Variants in SDK2 observed in about 807,000 individuals in gnomAD.
SDK2 encodes the protein sidekick cell adhesion molecule 2, also known as protein sidekick-2.
A neutral mutation model predicts 253.9 loss-of-function variants in SDK2; 105 were observed. The ratio of observed to expected loss-of-function variants is 0.41; its 90% CI spans 0.35 to 0.49. SDK2 has a LOEUF of 0.49. Ranked by LOEUF, SDK2 falls within the 20% of genes least tolerant of loss-of-function variation. The probability of loss-of-function intolerance (pLI) is 0.06; values close to 1 mark genes in which losing one functional copy is unlikely to be tolerated. For missense variants in SDK2, 2,608 were observed against 3,003.0 expected (o/e 0.87, Z 3.07); for synonymous variants, 1,249 against 1,234.9 (o/e 1.01, Z -0.24).
chr17:73,462,482 A>G (rs935616939), intron 3 of SDK2, among the ~76,000 whole-genome samples: 5 of 151,946 alleles, frequency 3.3e-5, no homozygotes, highest in Admixed American at 6.5e-5. Context: ...ATGTATGCAT[A>G]TTTACATGTA....
At position 73,379,086 on chromosome 17, in the gene SDK2, A is replaced by G. The variant is rs924682826; in HGVS notation, c.4980+91T>C. The stretch of plus-strand genomic sequence containing the variant: ...GGCTGGATGAATGGAGGGCCTGGGG[A>G]CCTGCCTGCCTCCCACATATCACTC... On this transcript the variant is annotated intron_variant, in intron 36 of 44. Coordinates refer to ENST00000392650, the MANE Select transcript of SDK2 (RefSeq NM_001144952.2). This position sits in a 1 kb window ranked among gnomAD's most constrained non-coding sequence, Gnocchi z 4.5. 2.4e-5 allele frequency: 22 copies of G among 911,216 alleles called. No individual in the cohort carries two copies. Among genetic ancestry groups the G allele is most frequent in the Non-Finnish European group, 3.4e-5 (20 of 582,054 alleles). The allele number at this position is 911,216 out of a possible 1,614,324, so 56.4% of individuals were successfully genotyped here.
chr17:73,574,898 C>T (rs1406145864), intron 1 of SDK2, among the ~76,000 whole-genome samples: 2 of 152,214 alleles, frequency 1.3e-5, no homozygotes. Context: ...GGTTTGGAGG[C>T]TATACCAACA....
At position 73,497,472 on chromosome 17, in the gene SDK2, T is replaced by C. The variant is rs577072023; in HGVS notation, c.224+9966A>G. 7.2e-5 allele frequency among the ~76,000 whole-genome samples: 11 copies of C among 152,276 alleles called. No homozygotes were observed. The South Asian group carries it at 1.9e-3, about 26-fold the overall frequency. On this transcript the variant is annotated intron_variant, in intron 2 of 44. Coordinates refer to ENST00000392650, the MANE Select transcript of SDK2 (RefSeq NM_001144952.2). The stretch of plus-strand genomic sequence containing the variant: ...TAATATCTTCAGACTTTTCTTCTAG[T>C]TGCCTGTTGGACATCCCGATCCAGC...
chr17:73,454,928 C>T (rs1387229558), intron 4 of SDK2, among the ~76,000 whole-genome samples: 2 of 152,176 alleles, frequency 1.3e-5, no homozygotes, highest in Non-Finnish European at 2.9e-5. Context: ...GGTCTCAACT[C>T]CTGACCTCAA....
At chr17:73,358,231 A>T (rs1230326133) in intron 39 of SDK2, 27 bp from the exon 40 acceptor site, 40 of 1,575,932 alleles carry the variant, frequency 2.5e-5, no homozygotes, top group Non-Finnish European at 3.4e-5. Flanking sequence ...GAGGCGAGGG[A>T]TGTATGGAAC....
intron 3 of SDK2, among the ~76,000 whole-genome samples, chr17:73,464,490 T>C (rs550444548): frequency 3.3e-5 from 5 of 152,328 alleles, no homozygotes; most frequent in Admixed American, 1.3e-4. Context: ...ATGTCTTTAT[T>C]AGCAGCTTGA....
chr17:73,398,192 T>G lies in SDK2; in HGVS notation c.3204-7A>C, dbSNP rs1599524277. The G allele has an allele frequency of 6.2e-7, 1 of 1,609,384 alleles. No individual in the cohort carries two copies. ...CACCTGGCGCATGCGGAAGCTGGGG[T>G]TGGGGAGAGATGAGCAAGATGGTAA... is the stretch of plus-strand genomic sequence containing the variant. On this transcript the variant is annotated splice_polypyrimidine_tract_variant and splice_region_variant and intron_variant, in intron 23 of 44. Coordinates refer to ENST00000392650, the MANE Select transcript of SDK2 (RefSeq NM_001144952.2).
Position 73,378,516 on chromosome 17 carries a change from T to A in SDK2, c.4980+661A>T, listed in dbSNP as rs146109639. On this transcript the variant is annotated intron_variant, in intron 36 of 44. Coordinates refer to ENST00000392650, the MANE Select transcript of SDK2 (RefSeq NM_001144952.2). The stretch of plus-strand genomic sequence containing the variant: ...CTCACTGCAACCTCTGCCTCCTGGG[T>A]TCAAGCGATTCTCCTGCCTCAGCCT... Among the ~76,000 whole-genome samples, 532 of 151,842 alleles carry A rather than the reference T, an allele frequency of 3.5e-3. 3 individuals carry two copies. Among genetic ancestry groups the A allele is most frequent in the African/African-American group, 0.012 (514 of 41,390 alleles).
chr17:73,638,393 G>A (rs1413072690), intron 1 of SDK2, among the ~76,000 whole-genome samples: 1 of 152,194 alleles, frequency 6.6e-6, no homozygotes, highest in Non-Finnish European at 1.5e-5. Context: ...TGGAGAAAAT[G>A]ATGGAGAGCG....
At chr17:73,550,148 G>A (rs2045031552) in intron 1 of SDK2, among the ~76,000 whole-genome samples, 1 of 152,130 alleles carries the variant, frequency 6.6e-6, no homozygotes, top group Non-Finnish European at 1.5e-5. Context: ...CTGTTTCCAG[G>A]TCAGGTTGAG....
intron 44 of SDK2, among the ~76,000 whole-genome samples, chr17:73,341,436 G>A (rs1006880951): frequency 6.6e-6 from 1 of 152,016 alleles, no homozygotes; most frequent in Non-Finnish European, 1.5e-5. Context: ...CCCCCCCTCA[G>A]AACTCTCTGG....
chr17:73,457,781 G>A (rs1182552453), intron 3 of SDK2, among the ~76,000 whole-genome samples: 1 of 152,036 alleles, frequency 6.6e-6, no homozygotes, highest in Non-Finnish European at 1.5e-5. Context: ...CCTAACCAAG[G>A]GGGCCGCATC....
At chr17:73,369,794 C>T (rs1422038355) in intron 36 of SDK2, among the ~76,000 whole-genome samples, 1 of 152,120 alleles carries the variant, frequency 6.6e-6, no homozygotes, top group African/African-American at 2.4e-5. Context: ...CACAGGCACC[C>T]GCCACCACGC....
intron 24 of SDK2, among the ~76,000 whole-genome samples, chr17:73,396,976 C>T (rs1324686751): frequency 2.0e-5 from 3 of 152,242 alleles, no homozygotes; most frequent in African/African-American, 7.2e-5. Context: ...CGGCGCCAAG[C>T]GCTTTCATGG....
chr17:73,631,233 C>T (rs1412236748), intron 1 of SDK2, among the ~76,000 whole-genome samples: 1 of 152,202 alleles, frequency 6.6e-6, no homozygotes, highest in Non-Finnish European at 1.5e-5. Context: ...CTCGGCCCTC[C>T]TTGGCAGCCC....
chr17:73,425,192 C>A (rs148505582), intron 12 of SDK2, among the ~76,000 whole-genome samples: 2,242 of 152,176 alleles, frequency 0.015, 104 homozygotes, highest in East Asian at 0.12. Flanking sequence ...TGCACTCCAG[C>A]CTGGGCGACA....
At chr17:73,490,523 GT>G (rs1194044828) in intron 2 of SDK2, among the ~76,000 whole-genome samples, 3,136 of 101,620 alleles carry the variant, frequency 0.031, 110 homozygotes, top group African/African-American at 0.099. Context: ...GCCAGGCAGT[GT>G]TTTTTTTTTT....
chr17:73,381,677 T>A (rs1473279399), intron 33 of SDK2, among the ~76,000 whole-genome samples: 1 of 151,276 alleles, frequency 6.6e-6, no homozygotes, highest in African/African-American at 2.4e-5. Flanking sequence ...GGTCAGGAGT[T>A]CGAGACCACC....
intron 1 of SDK2, among the ~76,000 whole-genome samples, chr17:73,600,673 C>T (rs538456301): frequency 5.9e-5 from 9 of 152,212 alleles, no homozygotes; most frequent in South Asian, 2.1e-4. Context: ...CCAGTCGATG[C>T]GGACAACTTG....
Sources: allele counts gnomAD v4.1 joint callset (sites outside exome capture counted in the v4.1 genomes callset), GRCh38; gene constraint gnomAD v4.1.1; non-coding constraint Gnocchi (gnomAD v3.1); transcripts MANE v1.5; gene names NCBI Gene and HGNC (gene_info 2026-07-23, HGNC 2026-07-21).